The following TRIM55 variants were observed in gnomAD, a reference collection of about 807,000 sequenced individuals.
TRIM55 encodes tripartite motif containing 55.
A neutral mutation model predicts 60.9 loss-of-function variants in TRIM55; 50 were observed. That is an observed-to-expected ratio of 0.82 (90% CI 0.65 to 1.04). The LOEUF (loss-of-function observed/expected upper bound fraction) is 1.04. Among genes scored for constraint, TRIM55 ranks in the 50% least tolerant of loss-of-function variants. The pLI is 0.00. For synonymous variants in TRIM55, 237 were observed against 238.1 expected (o/e 1.00, Z 0.04); for missense variants, 681 against 666.9 (o/e 1.02, Z -0.23).
intron 2 of TRIM55, among the ~76,000 whole-genome samples, chr8:66,131,155 A>C (rs1809133334): frequency 6.6e-6 from 1 of 152,188 alleles, no homozygotes; most frequent in Non-Finnish European, 1.5e-5. Flanking sequence ...CACATGAATC[A>C]TGTGCAATTC....
chr8:66,163,335 C>T (rs1343512139), intron 9 of TRIM55, among the ~76,000 whole-genome samples: 1 of 152,068 alleles, frequency 6.6e-6, no homozygotes, highest in Non-Finnish European at 1.5e-5. Context: ...TTTCTCTTCT[C>T]TTTCTGTTTG....
chr8:66,155,475 G>A (rs142664867), intron 9 of TRIM55: 25 of 545,352 alleles, frequency 4.6e-5, no homozygotes, highest in African/African-American at 2.3e-4. Flanking sequence ...AGCTGTGTGC[G>A]GAGGGGCTGT....
chr8:66,114,203 A>T, the TRIM55 span, among the ~76,000 whole-genome samples: 1 of 151,410 alleles, frequency 6.6e-6, no homozygotes, highest in Non-Finnish European at 1.5e-5. Flanking sequence ...GATTAGCTCA[A>T]ATGGTAGAGC....
At chr8:66,166,280 C>G (rs1811325878) in intron 9 of TRIM55, among the ~76,000 whole-genome samples, 1 of 152,002 alleles carries the variant, frequency 6.6e-6, no homozygotes, top group Non-Finnish European at 1.5e-5. Flanking sequence ...CATTCATTTC[C>G]CCTGGCAATC....
intron 7 of TRIM55, 182 bp from the exon 8 acceptor site, chr8:66,152,195 C>T (rs935714610): frequency 2.7e-5 from 20 of 737,608 alleles, no homozygotes; most frequent in Non-Finnish European, 3.7e-5. Context: ...TCACATTTGT[C>T]CAGTCCACAT....
chr8:66,167,017 C>T lies in TRIM55; in HGVS notation c.1525-7454C>T, dbSNP rs551200768. ...TGTAGCTGTCCACTGCAAATGAGGG[C>T]GAGCCGATCCTTCAGTTGCATCCCA... On this transcript the variant is annotated intron_variant, in intron 9 of 9. Transcript: ENST00000315962. Among the ~76,000 whole-genome samples the T allele has an allele frequency of 1.5e-4, 23 of 152,126 alleles. No individual in the cohort carries two copies. In the South Asian group the frequency reaches 3.9e-3, roughly 26 times the overall value.
In TRIM55 at chr8:66,137,061, C is replaced by G. The variant is rs1021514362; in HGVS notation, c.508-34C>G. The G allele has an allele frequency of 3.2e-6, 5 of 1,586,852 alleles. No individual in the cohort carries two copies. In the East Asian group the frequency reaches 1.1e-4, roughly 36 times the overall value. ...CACAGTCGGGGTGGCTAGGAAACCC[C>G]TAAGATATTGGGTTCATGTTTTCTC... On this transcript the variant is annotated intron_variant, in intron 3 of 9. Transcript: ENST00000315962.
At chr8:66,161,621 G>T (rs991777761) in intron 9 of TRIM55, among the ~76,000 whole-genome samples, 8 of 151,554 alleles carry the variant, frequency 5.3e-5, no homozygotes. Context: ...TTGGCAGTAT[G>T]GTTATTGATT....
At chr8:66,157,929 G>A (rs1467101477) in intron 9 of TRIM55, among the ~76,000 whole-genome samples, 1 of 152,104 alleles carries the variant, frequency 6.6e-6, no homozygotes, top group Non-Finnish European at 1.5e-5. Flanking sequence ...ACTACTTTTT[G>A]TTAGATCAGA....
intron 4 of TRIM55, among the ~76,000 whole-genome samples, chr8:66,146,879 T>C (rs1810122902): frequency 6.6e-6 from 1 of 152,172 alleles, no homozygotes; most frequent in Admixed American, 6.5e-5. Flanking sequence ...CCTTGTTCCA[T>C]TACTTTCACA....
At chr8:66,124,113 T>G (rs779921026), upstream of TRIM55, among the ~76,000 whole-genome samples, 1 of 152,146 alleles carries the variant, frequency 6.6e-6, no homozygotes, top group Non-Finnish European at 1.5e-5. Flanking sequence ...TCTACTTTCA[T>G]AGCAGCCCCA....
intron 8 of TRIM55, 101 bp from the exon 9 acceptor site, chr8:66,153,946 C>T (rs1810581088): frequency 3.5e-6 from 4 of 1,151,608 alleles, no homozygotes; most frequent in Non-Finnish European, 4.8e-6. Flanking sequence ...ATGCAGGGAG[C>T]GCACAGTGTT....
intron 4 of TRIM55, among the ~76,000 whole-genome samples, chr8:66,140,793 C>T (rs755055308): frequency 6.6e-6 from 1 of 152,212 alleles, no homozygotes; most frequent in East Asian, 1.9e-4. Context: ...GCCCGGGGTT[C>T]GTTTTCCTTT....
chr8:66,114,522 G>A, the TRIM55 span: 1 of 456,240 alleles, frequency 2.2e-6, no homozygotes, highest in Non-Finnish European at 4.4e-6. Context: ...TTATCACTCA[G>A]AATCCTTTAT....
At chr8:66,133,461 C>A (rs1239471063) in intron 2 of TRIM55, among the ~76,000 whole-genome samples, 2 of 151,220 alleles carry the variant, frequency 1.3e-5, no homozygotes, top group Non-Finnish European at 2.9e-5. Flanking sequence ...GTGGAGGAAA[C>A]AGACAGACCT....
At chr8:66,124,779 C>T (rs1480135954), upstream of TRIM55, among the ~76,000 whole-genome samples, 1 of 152,232 alleles carries the variant, frequency 6.6e-6, no homozygotes, top group Non-Finnish European at 1.5e-5. Flanking sequence ...CTGGGAAATT[C>T]CTTATAGGCC....
At chr8:66,148,535 CAT>C (rs1810228876) in intron 4 of TRIM55, among the ~76,000 whole-genome samples, 1 of 152,156 alleles carries the variant, frequency 6.6e-6, no homozygotes, top group South Asian at 2.1e-4. Context: ...TTTGAAATTG[CAT>C]AGAGTTTGCA....
At chr8:66,113,824 C>T in the TRIM55 span, among the ~76,000 whole-genome samples, 1 of 152,214 alleles carries the variant, frequency 6.6e-6, no homozygotes, top group Non-Finnish European at 1.5e-5. Flanking sequence ...GACCCGAGGG[C>T]TCGCAACGGC....
At chr8:66,118,568 G>A in the TRIM55 span, among the ~76,000 whole-genome samples, 1 of 152,172 alleles carries the variant, frequency 6.6e-6, no homozygotes, top group East Asian at 1.9e-4. Flanking sequence ...TCAGTGCAAA[G>A]GGATGGCAAG....
Sources: gnomAD v4.1 joint callset for allele counts (sites outside exome capture counted in the v4.1 genomes callset) on GRCh38, gnomAD v4.1.1 for gene constraint, MANE v1.5 for transcripts, NCBI Gene and HGNC (gene_info 2026-07-23, HGNC 2026-07-21) for gene names.